Variants in PCDHGA2 observed in about 807,000 individuals in gnomAD.
PCDHGA2 encodes protocadherin gamma-A2.
A neutral mutation model predicts 59.2 loss-of-function variants in PCDHGA2; 40 were observed. The ratio of observed to expected loss-of-function variants is 0.68; its 90% CI spans 0.52 to 0.88. The LOEUF (loss-of-function observed/expected upper bound fraction) is 0.88. Ranked by LOEUF, PCDHGA2 falls within the 40% of genes least tolerant of loss-of-function variation. PCDHGA2 has a pLI of 0.00. For synonymous variants in PCDHGA2, 560 were observed against 526.0 expected (o/e 1.06, Z -0.89); for missense variants, 1,226 against 1,204.0 (o/e 1.02, Z -0.27).
At position 141,340,916 on chromosome 5, in the gene PCDHGA2, C is replaced by G; in HGVS notation, c.1945C>G (p.His649Asp). ...KQSLVVAIQD[H>D]GQPPLSATVT... is the part of the protein sequence containing the mutation. ...GAGCCTCGTGGTGGCCATCCAGGAC[C>G]ACGGCCAGCCCCCTCTCTCCGCCAC... The change falls in exon 1 of 4, where the codon CAC becomes GAC. Residue 649 changes from histidine (H) to aspartate (D), a missense_variant. Physicochemically the swap from His to Asp is moderately conservative, Grantham distance 81. Transcript: ENST00000394576. 1 of 1,613,782 alleles carries G rather than the reference C, an allele frequency of 6.2e-7. No individual in the cohort carries two copies. The highest frequency in any genetic ancestry group is 8.5e-7 in the Non-Finnish European group (1 of 1,179,936).
intron 1 of PCDHGA2, chr5:141,382,766 G>C (rs1015953757): frequency 5.7e-6 from 4 of 705,490 alleles, no homozygotes; most frequent in Admixed American, 2.7e-5. Flanking sequence ...CCTCTTCCAG[G>C]CTGCACTAAA....
chr5:141,338,846 C>T lies in PCDHGA2; in HGVS notation c.-126C>T, dbSNP rs1249435554. ...CACCAAAGAAATTCAGTCGAACAGCCCACCAGTTCTCTCCATAGGGACCTG... is the reference window on the plus strand; with the variant it reads ...CACCAAAGAAATTCAGTCGAACAGCTCACCAGTTCTCTCCATAGGGACCTG... On this transcript the variant is annotated 5_prime_UTR_variant, in exon 1 of 4. Transcript: ENST00000394576. 2.3e-5 allele frequency: 32 copies of T among 1,412,090 alleles called. No homozygotes were observed. The highest frequency in any genetic ancestry group is 2.9e-5 in the Non-Finnish European group (32 of 1,085,884). 87.5% of individuals were successfully genotyped at this position (1,412,090 alleles called of 1,614,324 possible).
At chr5:141,478,735 G>T in intron 1 of PCDHGA2, 1 of 1,535,968 alleles carries the variant, frequency 6.5e-7, no homozygotes, top group Non-Finnish European at 8.8e-7. Flanking sequence ...AGTGTGGTTT[G>T]TGGTCCCATT....
intron 1 of PCDHGA2, chr5:141,351,352 C>T (rs762259259): frequency 2.5e-6 from 4 of 1,613,182 alleles, no homozygotes; most frequent in Non-Finnish European, 3.4e-6. Context: ...TAATAGCCCT[C>T]ATAAAAGTGC....
At chr5:141,390,249 C>A (rs749702926) in intron 1 of PCDHGA2, 1 of 1,614,046 alleles carries the variant, frequency 6.2e-7, no homozygotes, top group South Asian at 1.1e-5. Context: ...CTTATTTCCA[C>A]TTTGTAATTC....
At chr5:141,497,541 T>C (rs1157403777) in intron 2 of PCDHGA2, among the ~76,000 whole-genome samples, 9 of 89,564 alleles carry the variant, frequency 1.0e-4, no homozygotes, top group Non-Finnish European at 2.1e-4. Context: ...GCAACAAACC[T>C]TTTTTTTTTT....
At chr5:141,474,998 T>C (rs1029967243) in intron 1 of PCDHGA2, among the ~76,000 whole-genome samples, 1 of 152,260 alleles carries the variant, frequency 6.6e-6, no homozygotes, top group Non-Finnish European at 1.5e-5. Context: ...CAATTCTAAA[T>C]GCAGAAAAGT....
Position 141,356,286 on chromosome 5 carries a change from G to A in PCDHGA2, c.2424+14891G>A, listed in dbSNP as rs565025247. On this transcript the variant is annotated intron_variant, in intron 1 of 3. Coordinates refer to ENST00000394576, the MANE Select transcript of PCDHGA2 (RefSeq NM_018915.4). ...GCTCAGTCCAGGAATCTTCTTCCCC[G>A]GGTACAGTAATTGCACTTTTCAACG... 72 of 1,556,442 alleles carry A rather than the reference G, an allele frequency of 4.6e-5. No individual in the cohort carries two copies. The South Asian group carries it at 6.9e-4, about 15-fold the overall frequency.
At chr5:141,346,526 CAT>C (rs1401798182) in intron 1 of PCDHGA2, 1 of 1,582,090 alleles carries the variant, frequency 6.3e-7, no homozygotes, top group South Asian at 1.2e-5. Flanking sequence ...AGCTTTAACA[CAT>C]ATGTATTTGA....
intron 1 of PCDHGA2, chr5:141,351,856 C>T: frequency 6.2e-7 from 1 of 1,613,210 alleles, no homozygotes; most frequent in South Asian, 1.1e-5. Flanking sequence ...AGGCCAGGGA[C>T]CAGGGCTCCC....
chr5:141,464,530 T>C (rs375523203), intron 1 of PCDHGA2, among the ~76,000 whole-genome samples: 1 of 152,108 alleles, frequency 6.6e-6, no homozygotes, highest in African/African-American at 2.4e-5. Flanking sequence ...TATGTAGTTT[T>C]GTTAAATATA....
chr5:141,374,226 T>C (rs1770289818), intron 1 of PCDHGA2: 1 of 1,613,964 alleles, frequency 6.2e-7, no homozygotes, highest in Non-Finnish European at 8.5e-7. Context: ...GTAGGCAACA[T>C]CGTCAAGGAT....
chr5:141,394,826 C>G, intron 1 of PCDHGA2: 1 of 1,613,882 alleles, frequency 6.2e-7, no homozygotes, highest in Non-Finnish European at 8.5e-7. Context: ...TCCCCGAAGT[C>G]CTGACCGAGT....
chr5:141,431,460 A>T lies in PCDHGA2; in HGVS notation c.2425-63347A>T, dbSNP rs761879594. On this transcript the variant is annotated intron_variant, in intron 1 of 3. Transcript: ENST00000394576. This position sits in a 1 kb window ranked among gnomAD's most constrained non-coding sequence, Gnocchi z 4.8. The stretch of plus-strand genomic sequence containing the variant: ...GCGCGCATCCGCGTGATGGTTCTGG[A>T]TGCGAACGACAACGCACCAGCGTTT... The T allele has an allele frequency of 6.2e-7, 1 of 1,613,794 alleles. No individual in the cohort carries two copies. The highest frequency in any genetic ancestry group is 1.7e-5 in the Admixed American group (1 of 60,032).
rs188373658 is a variant in PCDHGA2 at position 141,492,228 on chromosome 5, C to T, written c.2425-2579C>T. ...TGCGCGCGGGGCTCATGCGTGTCCT[C>T]CCTGCTGGCCACCCCCACGGCCCAC... On this transcript the variant is annotated intron_variant, in intron 1 of 3. Coordinates refer to ENST00000394576, the MANE Select transcript of PCDHGA2 (RefSeq NM_018915.4). Among the ~76,000 whole-genome samples the T allele has an allele frequency of 5.3e-5, 8 of 152,292 alleles. No individual in the cohort carries two copies. In the East Asian group the frequency reaches 1.2e-3, roughly 22 times the overall value.
Position 141,340,777 on chromosome 5 carries a change from C to G in PCDHGA2, c.1806C>G (p.Ala602=). The G allele has an allele frequency of 6.2e-7, 1 of 1,613,874 alleles. No homozygotes were observed. The highest frequency in any genetic ancestry group is 8.5e-7 in the Non-Finnish European group (1 of 1,180,026). The stretch of plus-strand genomic sequence containing the variant: ...TGGACAGAGACTCGGGCCAGAACGC[C>G]TGGCTGTCTTACCACCTGCTCAAGG... ...VAVDRDSGQN[A]WLSYHLLKAS... The change falls in exon 1 of 4, where the codon GCC becomes GCG. Residue 602 remains alanine, a synonymous_variant. Transcript: ENST00000394576.
At chr5:141,365,423 G>C (rs182594355) in intron 1 of PCDHGA2, 2 of 1,614,018 alleles carry the variant, frequency 1.2e-6, no homozygotes, top group South Asian at 2.2e-5. Context: ...TCCCGGAACT[G>C]TAATCGCGCT....
chr5:141,446,415 T>C (rs1275165245), intron 1 of PCDHGA2, among the ~76,000 whole-genome samples: 2 of 152,046 alleles, frequency 1.3e-5, no homozygotes, highest in African/African-American at 4.8e-5. Flanking sequence ...GTTCCAGCCA[T>C]GTTCATTTGA....
intron 1 of PCDHGA2, chr5:141,384,682 G>C (rs1780361260): frequency 6.2e-7 from 1 of 1,614,222 alleles, no homozygotes; most frequent in Non-Finnish European, 8.5e-7. Context: ...GGTGGCGGTG[G>C]ACAAAGATTC....
Sources: gnomAD v4.1 joint callset for allele counts (sites outside exome capture counted in the v4.1 genomes callset) on GRCh38, gnomAD v4.1.1 for gene constraint, Gnocchi (gnomAD v3.1) non-coding constraint, MANE v1.5 for transcripts, NCBI Gene and HGNC (gene_info 2026-07-23, HGNC 2026-07-21) for gene names.